Variants in COG2 observed in about 807,000 individuals in gnomAD.
The protein encoded by COG2 is component of oligomeric golgi complex 2, also known as conserved oligomeric Golgi complex subunit 2.
A neutral mutation model predicts 90.6 loss-of-function variants in COG2; 52 were observed. The observed-to-expected ratio is 0.57, with a 90% CI of 0.46 to 0.72. The LOEUF (loss-of-function observed/expected upper bound fraction) is 0.72. Among genes scored for constraint, COG2 ranks in the 30% least tolerant of loss-of-function variants. The probability of loss-of-function intolerance (pLI) is 0.00; values close to 1 mark genes in which losing one functional copy is unlikely to be tolerated. For synonymous variants in COG2, 337 were observed against 320.4 expected, an observed-to-expected ratio of 1.05 and a Z score of -0.55; for missense variants, 829 against 891.2, an observed-to-expected ratio of 0.93 and a Z score of 0.89.
intron 16 of COG2, 121 bp downstream of exon 16, chr1:230,690,274 G>A: frequency 1.2e-6 from 1 of 830,004 alleles, no homozygotes; most frequent in Non-Finnish European, 1.9e-6. Flanking sequence ...CTTCTTCACT[G>A]GATTAGTCAG....
In COG2 at chr1:230,660,165, T is replaced by C. The variant is rs537968802; in HGVS notation, c.234+540T>C. Among the ~76,000 whole-genome samples, 6 of 152,328 alleles carry C rather than the reference T, an allele frequency of 3.9e-5. No individual in the cohort carries two copies. The South Asian group carries it at 1.2e-3, about 32-fold the overall frequency. On this transcript the variant is annotated intron_variant, in intron 2 of 17. Transcript: ENST00000366669. ...AAAGTTTGCCTTTTGGTCATCCTGTTCCTATTTTATTTTACTTTTAAAACT... is the reference window on the plus strand; with the variant it reads ...AAAGTTTGCCTTTTGGTCATCCTGTCCCTATTTTATTTTACTTTTAAAACT...
At chr1:230,673,116 A>G (rs1662493966) in intron 8 of COG2, among the ~76,000 whole-genome samples, 1 of 152,222 alleles carries the variant, frequency 6.6e-6, no homozygotes, top group Non-Finnish European at 1.5e-5. Flanking sequence ...ATCATGATGT[A>G]AAATGAAGCC....
intron 12 of COG2, among the ~76,000 whole-genome samples, chr1:230,685,446 A>G (rs1662864675): frequency 6.6e-6 from 1 of 152,010 alleles, no homozygotes; most frequent in Non-Finnish European, 1.5e-5. Context: ...ATTATCACAA[A>G]CTTATTTTGT....
In COG2 at chr1:230,675,729, G is replaced by A. The variant is rs545772307; in HGVS notation, c.1026+605G>A. Among the ~76,000 whole-genome samples the A allele has an allele frequency of 2.8e-4, 43 of 152,064 alleles. No individual in the cohort carries two copies. In the South Asian group the frequency reaches 2.9e-3, roughly 10 times the overall value. On this transcript the variant is annotated intron_variant, in intron 9 of 17. Transcript: ENST00000366669. ...ACAATTATAGCTCACTGCAGTCTTC[G>A]ACTCCTGGACTCAAGCGATCCTATG...
Position 230,669,420 on chromosome 1 carries a change from A to G in COG2, c.659A>G (p.Gln220Arg). 1 of 1,614,120 alleles carries G rather than the reference A, an allele frequency of 6.2e-7. No individual in the cohort carries two copies. Residue 220 changes from glutamine (Q) to arginine (R), a missense_variant, in exon 7 of 18, where the codon CAG (glutamine) becomes CGG (arginine). Transcript: ENST00000366669. Reference protein sequence around the residue: ...SLEGLLLEGLQTSDVDIIRHC... With the variant: ...SLEGLLLEGLRTSDVDIIRHC... ...GAAGGTCTCCTATTAGAAGGCCTTC[A>G]GACGTCTGACGTCGATATAATACGG...
intron 9 of COG2, among the ~76,000 whole-genome samples, chr1:230,676,460 G>A (rs746034669): frequency 4.6e-5 from 7 of 152,144 alleles, no homozygotes; most frequent in South Asian, 2.1e-4. Context: ...GACAATACGC[G>A]GAACTTAGAA....
At chr1:230,652,378 TGA>T (rs1292801308) in intron 1 of COG2, among the ~76,000 whole-genome samples, 1 of 152,256 alleles carries the variant, frequency 6.6e-6, no homozygotes, top group Non-Finnish European at 1.5e-5. Flanking sequence ...CTTTGTGGCT[TGA>T]TATAGCTCAT....
chr1:230,692,361 A>T (rs1290323220), intron 17 of COG2, among the ~76,000 whole-genome samples: 1 of 152,102 alleles, frequency 6.6e-6, no homozygotes. Flanking sequence ...AGAAAAAAAA[A>T]AAAGCAGTCA....
At chr1:230,678,796 C>T (rs1662660883) in intron 9 of COG2, 117 bp from the exon 10 acceptor site, 3 of 1,567,470 alleles carry the variant, frequency 1.9e-6, no homozygotes, top group South Asian at 1.1e-5. Flanking sequence ...CTTGTTAACT[C>T]TAGAAACTGT....
At chr1:230,690,258 C>A in intron 16 of COG2, 105 bp downstream of exon 16, 1 of 956,908 alleles carries the variant, frequency 1.0e-6, no homozygotes. Context: ...GTGAGACTGC[C>A]TAGCACTTCT....
chr1:230,684,627 G>C (rs946488486), intron 11 of COG2, among the ~76,000 whole-genome samples: 1 of 152,146 alleles, frequency 6.6e-6, no homozygotes, highest in African/African-American at 2.4e-5. Context: ...CTCAGAGTTA[G>C]TTTTCATCTG....
At chr1:230,653,393 G>A (rs1661963865) in intron 1 of COG2, among the ~76,000 whole-genome samples, 2 of 151,716 alleles carry the variant, frequency 1.3e-5, no homozygotes, top group African/African-American at 2.4e-5. Flanking sequence ...GCTAATTTTT[G>A]TATTTTTAGT....
intron 1 of COG2, among the ~76,000 whole-genome samples, chr1:230,645,208 C>A (rs1286195945): frequency 2.2e-5 from 3 of 137,222 alleles, no homozygotes; most frequent in African/African-American, 5.5e-5. Context: ...TGCACTTCAG[C>A]CTGGGCAACA....
chr1:230,653,925 T>TC (rs1553309227), intron 1 of COG2, among the ~76,000 whole-genome samples: 2 of 152,162 alleles, frequency 1.3e-5, no homozygotes, highest in Non-Finnish European at 2.9e-5. Context: ...GACAAAGCCC[T>TC]CATGACCACT....
chr1:230,673,345 C>T (rs887544302), intron 8 of COG2, among the ~76,000 whole-genome samples: 12 of 152,202 alleles, frequency 7.9e-5, no homozygotes, highest in African/African-American at 2.4e-5. Context: ...CTTTCCTTCC[C>T]TTGCTCGGCT....
At position 230,642,514 on chromosome 1, in the gene COG2, A is replaced by AAACTGGCGGTGGCCGCGGC. The variant is rs1661643839; in HGVS notation, c.-92_-74dup. ...GGAAGCGGACCCCCCTGTGCCGTGG[A>AAACTGGCGGTGGCCGCGGC]AACTGGCGGTGGCCGCGGCCGCCGA... On this transcript the variant is annotated 5_prime_UTR_variant, in exon 1 of 18. An upstream open reading frame in the 5' UTR loses its in-frame stop. Transcript: ENST00000366669. The AAACTGGCGGTGGCCGCGGC allele has an allele frequency of 4.6e-6, 6 of 1,301,798 alleles. No individual in the cohort carries two copies. Among genetic ancestry groups the AAACTGGCGGTGGCCGCGGC allele is most frequent in the Admixed American group, 4.0e-5 (2 of 49,410 alleles). 80.6% of individuals were successfully genotyped at this position (1,301,798 alleles called of 1,614,324 possible). A position where few individuals can be genotyped will look rare whatever the true frequency, so the allele number is the denominator to read the frequency against.
intron 5 of COG2, among the ~76,000 whole-genome samples, chr1:230,667,273 T>C (rs571110931): frequency 6.6e-6 from 1 of 152,314 alleles, no homozygotes; most frequent in East Asian, 1.9e-4. Context: ...CATACTCTTA[T>C]ATTATTGTAT....
Position 230,663,131 on chromosome 1 carries a change from TC to T in COG2, c.301-9del. The T allele has an allele frequency of 1.3e-6, 2 of 1,585,894 alleles. No homozygotes were observed. Among genetic ancestry groups the T allele is most frequent in the Admixed American group, 3.8e-5 (2 of 52,972 alleles). ...ATCTCTGCAGTACTTTTTTTTTTTG[TC>T]TTTTAAAGAGCCTTAGATCGTCTGT... On this transcript the variant is annotated splice_polypyrimidine_tract_variant and intron_variant, in intron 3 of 17. Transcript: ENST00000366669.
In COG2 at chr1:230,650,175, CAT is replaced by C. The variant is rs1439491432; in HGVS notation, c.72+7499_72+7500del. Among the ~76,000 whole-genome samples the C allele has an allele frequency of 4.6e-5, 7 of 152,278 alleles. No individual in the cohort carries two copies. In the South Asian group the frequency reaches 1.5e-3, roughly 32 times the overall value. On this transcript the variant is annotated intron_variant, in intron 1 of 17. Transcript: ENST00000366669. ...CTATTGTGAATAGGGCTTCAATAAA[CAT>C]AGGAGTGCAGGTGTCTTTTTTTATA...
Sources: gnomAD v4.1 joint callset for allele counts (sites outside exome capture counted in the v4.1 genomes callset) on GRCh38, gnomAD v4.1.1 for gene constraint, MANE v1.5 for transcripts, NCBI Gene and HGNC (gene_info 2026-07-23, HGNC 2026-07-21) for gene names.